The following SNX29 variants were observed in gnomAD, a reference collection of about 807,000 sequenced individuals.
SNX29 encodes the protein sorting nexin 29, also known as sorting nexin-29.
In SNX29, 78 loss-of-function variants were observed where a neutral mutation model predicts 102.1. That is an observed-to-expected ratio of 0.76 (90% CI 0.64 to 0.92). SNX29 has a LOEUF of 0.92. Ranked by LOEUF, SNX29 falls within the 40% of genes least tolerant of loss-of-function variation. SNX29 has a pLI of 0.00. For synonymous variants in SNX29, 580 were observed against 414.5 expected (o/e 1.40, Z -4.85); for missense variants, 1,280 against 1,061.7 (o/e 1.21, Z -2.86).
At chr16:12,299,279 GA>G (rs1478448399) in intron 15 of SNX29, among the ~76,000 whole-genome samples, 2 of 151,894 alleles carry the variant, frequency 1.3e-5, no homozygotes, top group Non-Finnish European at 2.9e-5. Context: ...CAGCCTGGGT[GA>G]CACAGTGAGA....
At chr16:12,051,412 G>GT (rs1358118196) in intron 7 of SNX29, among the ~76,000 whole-genome samples, 1 of 151,952 alleles carries the variant, frequency 6.6e-6, no homozygotes, top group Non-Finnish European at 1.5e-5. Flanking sequence ...TGGCTGGGAG[G>GT]AGCCACAAAG....
chr16:12,550,405 C>T (rs190518284), intron 20 of SNX29, among the ~76,000 whole-genome samples: 24 of 152,020 alleles, frequency 1.6e-4, no homozygotes, highest in African/African-American at 5.3e-4. Flanking sequence ...CATGGTGGTG[C>T]ACGCCTGTAC....
intron 15 of SNX29, among the ~76,000 whole-genome samples, chr16:12,355,258 C>T (rs994600498): frequency 6.6e-6 from 1 of 152,184 alleles, no homozygotes; most frequent in African/African-American, 2.4e-5. Flanking sequence ...CCCTTTTATT[C>T]CTCCTCAGAT....
At chr16:12,334,259 C>A (rs970844380) in intron 15 of SNX29, among the ~76,000 whole-genome samples, 1 of 152,142 alleles carries the variant, frequency 6.6e-6, no homozygotes, top group Non-Finnish European at 1.5e-5. Flanking sequence ...CCAAGGAACT[C>A]GCTTAGCTTG....
intron 20 of SNX29, among the ~76,000 whole-genome samples, chr16:12,557,889 G>A (rs1469204801): frequency 2.0e-5 from 3 of 152,188 alleles, no homozygotes; most frequent in Non-Finnish European, 4.4e-5. Context: ...GGCCTCTGCA[G>A]GCAACTGGAG....
chr16:12,403,255 T>TGTGTGTGTGG lies in SNX29; in HGVS notation c.1956-193_1956-192insGTGTGTGTGG, dbSNP rs200446987. On this transcript the variant is annotated intron_variant, in intron 17 of 20. Transcript: ENST00000566228. ...GTGTGTGTGTGTGTGTGTGTGTGTG[T>TGTGTGTGTGG]AGAGAGAGACAGACTGAGTGATGAC... 8.7e-4 allele frequency among the ~76,000 whole-genome samples: 88 copies of TGTGTGTGTGG among 100,998 alleles called. 1 individual carries two copies. Among genetic ancestry groups the TGTGTGTGTGG allele is most frequent in the African/African-American group, 3.2e-3 (78 of 24,034 alleles). The allele number at this position is 100,998 out of a possible 152,430, so 66.3% of individuals were successfully genotyped here. A position where few individuals can be genotyped will look rare whatever the true frequency, so the allele number is the denominator to read the frequency against.
intron 18 of SNX29, among the ~76,000 whole-genome samples, chr16:12,404,231 C>T (rs1400472544): frequency 6.6e-6 from 1 of 152,206 alleles, no homozygotes; most frequent in East Asian, 1.9e-4. Context: ...GCCTCTGCTT[C>T]CTTGGGGTAC....
intron 18 of SNX29, among the ~76,000 whole-genome samples, chr16:12,416,111 C>T (rs952761789): frequency 5.3e-5 from 8 of 152,200 alleles, no homozygotes; most frequent in Non-Finnish European, 1.0e-4. Context: ...TTGCATCAGC[C>T]TGTAGGAGGT....
intron 15 of SNX29, among the ~76,000 whole-genome samples, chr16:12,351,372 A>G (rs1476742733): frequency 1.4e-5 from 2 of 146,642 alleles, no homozygotes; most frequent in Non-Finnish European, 2.9e-5. Flanking sequence ...AACGTAACAG[A>G]TTCTAAGGCA....
chr16:11,976,803 C>T lies in SNX29; in HGVS notation c.-4C>T. 2.9e-6 allele frequency: 4 copies of T among 1,380,578 alleles called. No individual in the cohort carries two copies. The highest frequency in any genetic ancestry group is 3.8e-6 in the Non-Finnish European group (4 of 1,066,534). The allele number at this position is 1,380,578 out of a possible 1,614,324, so 85.5% of individuals were successfully genotyped here. ...GCGCAGGCACCGGCCCGGGGAGAGG[C>T]ACCATGAGCGGTGAGTGGCGGCCCC... On this transcript the variant is annotated 5_prime_UTR_variant, in exon 1 of 21. Coordinates refer to ENST00000566228, the MANE Select transcript of SNX29 (RefSeq NM_032167.5).
chr16:12,565,125 C>G (rs1250465104), intron 20 of SNX29, among the ~76,000 whole-genome samples: 21 of 138,700 alleles, frequency 1.5e-4, no homozygotes, highest in Non-Finnish European at 1.9e-4. Flanking sequence ...AGTCTCTTAT[C>G]CACATTAGCC....
At chr16:12,123,352 A>G (rs1023785113) in intron 11 of SNX29, among the ~76,000 whole-genome samples, 98 of 152,266 alleles carry the variant, frequency 6.4e-4, no homozygotes, top group African/African-American at 2.2e-3. Flanking sequence ...ATTGTTAGCC[A>G]GAGTCCCCGT....
intron 10 of SNX29, among the ~76,000 whole-genome samples, chr16:12,076,541 A>G (rs1306965494): frequency 6.6e-6 from 1 of 152,080 alleles, no homozygotes; most frequent in Non-Finnish European, 1.5e-5. Context: ...ACCTCATGTG[A>G]TCCGCCTGCC....
intron 11 of SNX29, among the ~76,000 whole-genome samples, chr16:12,110,758 C>A (rs1448132281): frequency 6.6e-6 from 1 of 152,158 alleles, no homozygotes; most frequent in African/African-American, 2.4e-5. Flanking sequence ...GACCTGAGCC[C>A]TTTTAAGACA....
chr16:12,087,227 CT>C (rs2052245683), intron 11 of SNX29: 1 of 156,298 alleles, frequency 6.4e-6, no homozygotes, highest in Non-Finnish European at 1.4e-5. Context: ...AAACCCATCT[CT>C]ACTAAACATA....
intron 18 of SNX29, among the ~76,000 whole-genome samples, chr16:12,431,371 A>G (rs2085306336): frequency 6.6e-6 from 1 of 151,046 alleles, no homozygotes; most frequent in African/African-American, 2.4e-5. Context: ...TATTAGATTT[A>G]TTATATTGTG....
At chr16:12,421,926 A>G (rs1262068157) in intron 18 of SNX29, among the ~76,000 whole-genome samples, 4 of 62,960 alleles carry the variant, frequency 6.4e-5, no homozygotes, top group Admixed American at 3.9e-4. Context: ...CATCACCATC[A>G]TCATCCGTCC....
chr16:12,528,026 C>T (rs967447373), intron 20 of SNX29, among the ~76,000 whole-genome samples: 2 of 151,496 alleles, frequency 1.3e-5, no homozygotes, highest in African/African-American at 2.4e-5. Flanking sequence ...GGGGTTTCAC[C>T]GTGTTAGCCA....
At chr16:12,402,218 C>T (rs1260324389) in intron 17 of SNX29, among the ~76,000 whole-genome samples, 2 of 152,196 alleles carry the variant, frequency 1.3e-5, no homozygotes. Flanking sequence ...CTCCTCTGCT[C>T]AGAGATGAGA....
Sources: allele counts gnomAD v4.1 joint callset (sites outside exome capture counted in the v4.1 genomes callset), GRCh38; gene constraint gnomAD v4.1.1; transcripts MANE v1.5; gene names NCBI Gene and HGNC (gene_info 2026-07-23, HGNC 2026-07-21).